Variants in SPRY3 observed in about 807,000 individuals in gnomAD.
SPRY3 encodes sprouty RTK signaling antagonist 3.
In SPRY3, 15 loss-of-function variants were observed where a neutral mutation model predicts 20.2. That is an observed-to-expected ratio of 0.74 (90% CI 0.50 to 1.14). SPRY3 has a LOEUF of 1.14. Ranked by LOEUF, SPRY3 falls within the 50% of genes most tolerant of loss-of-function variation. SPRY3 has a pLI of 0.00. For synonymous variants in SPRY3, 143 were observed against 136.5 expected (o/e 1.05, Z -0.33); for missense variants, 364 against 363.9 (o/e 1.00, Z 0.00).
intron 2 of SPRY3, among the ~76,000 whole-genome samples, chrX:155,750,551 A>G (rs1325290020): frequency 6.6e-6 from 1 of 151,972 alleles, no homozygotes; most frequent in Non-Finnish European, 1.5e-5. Context: ...GTGTTTCAAG[A>G]AGGAGAGAAT....
intron 1 of SPRY3, among the ~76,000 whole-genome samples, chrX:155,627,548 G>A (rs782071947): frequency 9.0e-6 from 1 of 111,419 alleles, no homozygotes; most frequent in Non-Finnish European, 1.9e-5. Context: ...ATAGTGCTGC[G>A]ATAAACATGG....
intron 2 of SPRY3, among the ~76,000 whole-genome samples, chrX:155,670,556 A>AG (rs1557354663): frequency 8.9e-6 from 1 of 112,243 alleles, no homozygotes; most frequent in African/African-American, 3.2e-5. Flanking sequence ...GTACTGTAAC[A>AG]TCTTAGCTTC....
intron 2 of SPRY3, among the ~76,000 whole-genome samples, chrX:155,728,998 G>A: frequency 6.6e-6 from 1 of 152,176 alleles, no homozygotes; most frequent in Non-Finnish European, 1.5e-5. Context: ...AATGATAATA[G>A]GGTCAATTCT....
chrX:155,649,701 A>T (rs782224937), intron 1 of SPRY3, among the ~76,000 whole-genome samples: 3 of 111,533 alleles, frequency 2.7e-5, no homozygotes, highest in Non-Finnish European at 5.7e-5. Context: ...TCCCTTTGAA[A>T]ATCGGCACAA....
intron 2 of SPRY3, among the ~76,000 whole-genome samples, chrX:155,720,843 A>G (rs2091053105): frequency 6.6e-6 from 1 of 152,172 alleles, no homozygotes; most frequent in Non-Finnish European, 1.5e-5. Context: ...GATTGTGAAG[A>G]CTACAATAAG....
chrX:155,617,900 G>A (rs139689088), intron 1 of SPRY3, among the ~76,000 whole-genome samples: 2 of 111,875 alleles, frequency 1.8e-5, no homozygotes, highest in African/African-American at 6.5e-5. Context: ...TTCACAGGAA[G>A]TTTCCAAAAA....
At chrX:155,712,397 T>C (rs963717606) in intron 2 of SPRY3, among the ~76,000 whole-genome samples, 5 of 152,042 alleles carry the variant, frequency 3.3e-5, no homozygotes, top group African/African-American at 1.2e-4. Context: ...GTATTTACAA[T>C]CATGTTCTCT....
chrX:155,627,838 G>T (rs1279531181), intron 1 of SPRY3, among the ~76,000 whole-genome samples: 1 of 106,247 alleles, frequency 9.4e-6, no homozygotes, highest in Non-Finnish European at 1.9e-5. Flanking sequence ...GGCCCGTTAT[G>T]TATTGTTCCC....
At chrX:155,739,734 C>T (rs2091193337) in intron 2 of SPRY3, among the ~76,000 whole-genome samples, 1 of 152,054 alleles carries the variant, frequency 6.6e-6, no homozygotes, top group South Asian at 2.1e-4. Context: ...GGAAGAGTGG[C>T]CTGACTGTTA....
intron 1 of SPRY3, among the ~76,000 whole-genome samples, chrX:155,627,734 G>C (rs979039634): frequency 2.7e-5 from 3 of 109,889 alleles, no homozygotes; most frequent in African/African-American, 1.0e-4. Flanking sequence ...TGTGTGCCAT[G>C]GTGGTTTGCT....
chrX:155,695,277 C>T (rs1240911712), intron 2 of SPRY3, among the ~76,000 whole-genome samples: 1 of 110,770 alleles, frequency 9.0e-6, no homozygotes, highest in Non-Finnish European at 1.9e-5. Context: ...TTTTTCTTTC[C>T]ACATATTAAA....
chrX:155,728,765 C>T (rs1440166259), intron 2 of SPRY3, among the ~76,000 whole-genome samples: 1 of 152,172 alleles, frequency 6.6e-6, no homozygotes, highest in African/African-American at 2.4e-5. Flanking sequence ...CCTTGTGCTT[C>T]CCAGGTGAGG....
chrX:155,744,523 C>T (rs1424417015), intron 2 of SPRY3, among the ~76,000 whole-genome samples: 1 of 151,944 alleles, frequency 6.6e-6, no homozygotes, highest in Non-Finnish European at 1.5e-5. Flanking sequence ...GGATTCCAAA[C>T]GGGAAGGGAC....
At chrX:155,717,405 ATACTT>A (rs1209916667) in intron 2 of SPRY3, among the ~76,000 whole-genome samples, 1 of 152,036 alleles carries the variant, frequency 6.6e-6, no homozygotes, top group African/African-American at 2.4e-5. Context: ...CTTTTTAAAA[ATACTT>A]TAAGTTCTGG....
exon 4 of SPRY3, chrX:155,774,510 T>C (rs1208527282): frequency 1.2e-6 from 2 of 1,614,010 alleles, no homozygotes; most frequent in Admixed American, 1.7e-5. Flanking sequence ...CCTGCTCTTG[T>C]GGGCCTAGTT....
chrX:155,776,633 T>A (rs1443490344), exon 4 of SPRY3: 1 of 167,056 alleles, frequency 6.0e-6, no homozygotes, highest in African/African-American at 2.4e-5. Context: ...GAAATCAAGG[T>A]GCTCCAACTT....
At chrX:155,687,330 C>T (rs1006793062) in intron 2 of SPRY3, among the ~76,000 whole-genome samples, 1 of 112,717 alleles carries the variant, frequency 8.9e-6, no homozygotes, top group African/African-American at 3.2e-5. Context: ...TGCTTGCTTT[C>T]CTTTCTCAGT....
At chrX:155,711,688 AT>A (rs4047354) in intron 2 of SPRY3, among the ~76,000 whole-genome samples, 37,789 of 146,188 alleles carry the variant, frequency 0.26, 5,024 homozygotes, top group African/African-American at 0.41. Context: ...TCTTTTTACT[AT>A]TTTTTTTTTG....
At chrX:155,745,083 G>A (rs946358951) in intron 2 of SPRY3, among the ~76,000 whole-genome samples, 2 of 151,990 alleles carry the variant, frequency 1.3e-5, no homozygotes, top group Non-Finnish European at 2.9e-5. Flanking sequence ...GTTCCTTAGG[G>A]AGAATAGAGA....
Sources: gnomAD v4.1 joint callset for allele counts (sites outside exome capture counted in the v4.1 genomes callset) on GRCh38, gnomAD v4.1.1 for gene constraint, MANE v1.5 for transcripts, NCBI Gene and HGNC (gene_info 2026-07-23, HGNC 2026-07-21) for gene names.